Variants in ZC3H18 observed in about 807,000 individuals in gnomAD.
ZC3H18 encodes zinc finger CCCH domain-containing protein 18.
A neutral mutation model predicts 106.1 loss-of-function variants in ZC3H18; 8 were observed. The ratio of observed to expected loss-of-function variants is 0.08; its 90% CI spans 0.04 to 0.14. The LOEUF (loss-of-function observed/expected upper bound fraction) is 0.14, where lower values mean the gene tolerates loss of function less well. Ranked by LOEUF, ZC3H18 falls within the 10% of genes least tolerant of loss-of-function variation. ZC3H18 has a pLI of 1.00. For synonymous variants in ZC3H18, 635 were observed against 522.1 expected, an observed-to-expected ratio of 1.22 and a Z score of -2.95; for missense variants, 1,318 against 1,278.4, an observed-to-expected ratio of 1.03 and a Z score of -0.47.
At position 88,577,249 on chromosome 16, in the gene ZC3H18, G is replaced by A. The variant is rs1336426177; in HGVS notation, c.126G>A (p.Gly42=). The change falls in exon 2 of 18, where the codon GGG becomes GGA. Residue 42 remains glycine, a synonymous_variant. Transcript: ENST00000301011. ...SGSDQDLDGA[G]VRASDLEDEE... ...CCGATCAGGATTTGGACGGGGCGGG[G>A]GTGAGGGCTTCTGATCTGGAGGATG... is the stretch of plus-strand genomic sequence containing the variant. 1 of 1,613,510 alleles carries A rather than the reference G, an allele frequency of 6.2e-7. No individual in the cohort carries two copies. The highest frequency in any genetic ancestry group is 8.5e-7 in the Non-Finnish European group (1 of 1,179,860).
At chr16:88,580,846 C>T (rs1215630930) in intron 2 of ZC3H18, among the ~76,000 whole-genome samples, 1 of 152,182 alleles carries the variant, frequency 6.6e-6, no homozygotes. Context: ...ACATTTTTCT[C>T]GTTGCTTTCA....
intron 2 of ZC3H18, among the ~76,000 whole-genome samples, chr16:88,582,079 G>A (rs4782495): frequency 0.81 from 123,383 of 152,176 alleles, 50,237 homozygotes; most frequent in East Asian, 0.95. Context: ...AGCCAGCAGC[G>A]CAGTGGGCCC....
chr16:88,577,864 G>C, intron 2 of ZC3H18, 138 bp downstream of exon 2: 5 of 1,495,294 alleles, frequency 3.3e-6, no homozygotes, highest in Non-Finnish European at 4.5e-6. Context: ...TGAGAGGCTT[G>C]TTTTGGGTTC....
At chr16:88,614,792 C>A (rs1378325613) in intron 8 of ZC3H18, among the ~76,000 whole-genome samples, 3 of 152,354 alleles carry the variant, frequency 2.0e-5, no homozygotes, top group African/African-American at 7.2e-5. Flanking sequence ...GAAGCCCTTC[C>A]CCTACAGCAC....
chr16:88,621,754 G>T (rs1284764828), intron 8 of ZC3H18, among the ~76,000 whole-genome samples: 1 of 152,210 alleles, frequency 6.6e-6, no homozygotes, highest in East Asian at 1.9e-4. Context: ...TCCTCGCAAA[G>T]TGCTGGGATT....
At chr16:88,604,963 C>T (rs911347388) in intron 6 of ZC3H18, among the ~76,000 whole-genome samples, 35 of 152,156 alleles carry the variant, frequency 2.3e-4, no homozygotes, top group Middle Eastern at 3.2e-3. Flanking sequence ...AGTGCAGTGC[C>T]GGTGTATTAG....
In ZC3H18 at chr16:88,631,913, G is replaced by A. The variant is rs1906715962; in HGVS notation, c.*614G>A. On this transcript the variant is annotated 3_prime_UTR_variant, in exon 18 of 18. Coordinates refer to ENST00000301011, the MANE Select transcript of ZC3H18 (RefSeq NM_144604.4). The stretch of plus-strand genomic sequence containing the variant: ...GGTGTTGTTGGGGCGTCTGTCTAAT[G>A]TGGTGGGTCTTTTTTTGAGGGGTCT... 3 of 270,842 alleles carry A rather than the reference G, an allele frequency of 1.1e-5. No homozygotes were observed. Among genetic ancestry groups the A allele is most frequent in the South Asian group, 3.2e-5 (1 of 31,040 alleles). The allele number at this position is 270,842 out of a possible 1,614,324, so 16.8% of individuals were successfully genotyped here.
At chr16:88,628,665 A>AAAC (rs1354206320) in intron 15 of ZC3H18, 93 bp from the exon 16 acceptor site, 3 of 1,332,800 alleles carry the variant, frequency 2.3e-6, no homozygotes, top group Non-Finnish European at 2.1e-6. Context: ...GGAGCAGAGC[A>AAAC]GGTTGCTGGC....
intron 6 of ZC3H18, among the ~76,000 whole-genome samples, chr16:88,601,434 A>C (rs1016270696): frequency 6.6e-5 from 10 of 152,028 alleles, no homozygotes; most frequent in African/African-American, 1.7e-4. Context: ...GATCCTTGAC[A>C]CTCTATTTCC....
intron 7 of ZC3H18, among the ~76,000 whole-genome samples, chr16:88,609,981 C>T (rs539864998): frequency 2.6e-5 from 4 of 152,052 alleles, no homozygotes; most frequent in Admixed American, 1.3e-4. Flanking sequence ...CCTGCTCGGG[C>T]GTGTCACTCT....
At chr16:88,583,316 C>T (rs1036701982) in intron 2 of ZC3H18, among the ~76,000 whole-genome samples, 2 of 152,266 alleles carry the variant, frequency 1.3e-5, no homozygotes, top group African/African-American at 4.8e-5. Flanking sequence ...TCCTGTTTAG[C>T]ACGTTACCAG....
intron 10 of ZC3H18, 134 bp downstream of exon 10, chr16:88,623,478 C>A: frequency 8.0e-7 from 1 of 1,249,916 alleles, no homozygotes; most frequent in Non-Finnish European, 1.1e-6. Context: ...ACTAGGATGG[C>A]CAGGGGGTCG....
In ZC3H18 at chr16:88,582,219, C is replaced by CTTTTTTTTTTTTTTTT. The variant is rs71391393; in HGVS notation, c.604-4373_604-4358dup. On this transcript the variant is annotated intron_variant, in intron 2 of 17. Coordinates refer to ENST00000301011, the MANE Select transcript of ZC3H18 (RefSeq NM_144604.4). ...TAAATCCACCTTTCCTTTTTCTTTTCTTTTTTTTTTTTTTTTTTTTTTTGA... is the reference window on the plus strand; with the variant it reads ...TAAATCCACCTTTCCTTTTTCTTTTCTTTTTTTTTTTTTTTTTTTTTTTTTTTTTTTTTTTTTTTGA... Among the ~76,000 whole-genome samples, 109 of 77,176 alleles carry CTTTTTTTTTTTTTTTT rather than the reference C, an allele frequency of 1.4e-3. 8 individuals are homozygous for CTTTTTTTTTTTTTTTT. The highest frequency in any genetic ancestry group is 2.6e-3 in the African/African-American group (46 of 17,938). The allele number at this position is 77,176 out of a possible 152,430, so 50.6% of individuals were successfully genotyped here.
At chr16:88,587,759 C>T (rs1256797954) in intron 3 of ZC3H18, 3 of 781,372 alleles carry the variant, frequency 3.8e-6, no homozygotes, top group Admixed American at 2.5e-5. Context: ...TTCGGAACCT[C>T]CTCCTTAGAG....
At chr16:88,570,734 C>T (rs1321831234) in intron 1 of ZC3H18, among the ~76,000 whole-genome samples, 168 bp downstream of exon 1, 3 of 151,676 alleles carry the variant, frequency 2.0e-5, no homozygotes, top group Admixed American at 6.5e-5. Context: ...GGGAAGGGGA[C>T]CTTGAGACAG....
At chr16:88,601,823 T>C (rs1213664879) in intron 6 of ZC3H18, among the ~76,000 whole-genome samples, 2 of 151,322 alleles carry the variant, frequency 1.3e-5, no homozygotes, top group African/African-American at 4.9e-5. Context: ...ACCTGGTGAG[T>C]CAGGACCTCT....
At chr16:88,587,512 T>C (rs761899712) in intron 3 of ZC3H18, 3 of 1,528,706 alleles carry the variant, frequency 2.0e-6, no homozygotes, top group South Asian at 1.2e-5. Context: ...CATCTAAAGC[T>C]CACAAGAGCT....
intron 3 of ZC3H18, among the ~76,000 whole-genome samples, chr16:88,596,078 C>T (rs975795475): frequency 3.9e-5 from 6 of 152,106 alleles, no homozygotes; most frequent in Non-Finnish European, 4.4e-5. Flanking sequence ...GCGCTCAGCA[C>T]CCCCGGGCAG....
At chr16:88,631,054 G>T in intron 17 of ZC3H18, 47 bp from the exon 18 acceptor site, 1 of 1,608,102 alleles carries the variant, frequency 6.2e-7, no homozygotes, top group Non-Finnish European at 8.5e-7. Flanking sequence ...CCTTCCACCT[G>T]CAGACGTGGC....
Sources: allele counts gnomAD v4.1 joint callset (sites outside exome capture counted in the v4.1 genomes callset), GRCh38; gene constraint gnomAD v4.1.1; transcripts MANE v1.5; gene names NCBI Gene and HGNC (gene_info 2026-07-23, HGNC 2026-07-21).